The following PCDH11X variants were observed in gnomAD, a reference collection of about 807,000 sequenced individuals.
The protein encoded by PCDH11X is protocadherin 11 X-linked.
Under a neutral mutation model 53.3 loss-of-function variants are expected in PCDH11X, and 18 were observed. That is an observed-to-expected ratio of 0.34 (90% CI 0.23 to 0.50). The LOEUF is 0.50. PCDH11X is among the 20% of genes least tolerant of loss of function. The probability of loss-of-function intolerance (pLI) is 0.98; values close to 1 mark genes in which losing one functional copy is unlikely to be tolerated. For synonymous variants in PCDH11X, 279 were observed against 393.3 expected (o/e 0.71, Z 3.44); for missense variants, 570 against 1,032.4 (o/e 0.55, Z 6.14).
Position 92,255,549 on chromosome X carries a change from G to A in PCDH11X, c.3115-7565G>A, listed in dbSNP as rs1231449382. Among the ~76,000 whole-genome samples the A allele has an allele frequency of 9.2e-5, 10 of 108,195 alleles. No homozygotes were observed. In the East Asian group the frequency reaches 2.6e-3, roughly 28 times the overall value. The allele number at this position is 108,195 out of a possible 115,157, so 94.0% of individuals were successfully genotyped here. On this transcript the variant is annotated intron_variant, in intron 7 of 10. Coordinates refer to ENST00000682573, the MANE Select transcript of PCDH11X (RefSeq NM_032968.5). ...TTAGAGTTTCCAGTTTTTCTGTTCTGTTTTTTCCCCATCTTTGTGGTTTTA... is the reference window on the plus strand; with the variant it reads ...TTAGAGTTTCCAGTTTTTCTGTTCTATTTTTTCCCCATCTTTGTGGTTTTA...
At chrX:92,436,354 G>A (rs2072374169) in intron 9 of PCDH11X, among the ~76,000 whole-genome samples, 2 of 111,346 alleles carry the variant, frequency 1.8e-5, no homozygotes, top group Non-Finnish European at 3.8e-5. Flanking sequence ...GGAAAAAAAG[G>A]GAACACTTAT....
Position 92,113,407 on chromosome X carries a change from T to G in PCDH11X, c.3034-87968T>G, listed in dbSNP as rs751815027. The G allele has an allele frequency of 1.4e-3, 1,693 of 1,201,019 alleles. 5 individuals are homozygous for G. Among genetic ancestry groups the G allele is most frequent in the Non-Finnish European group, 1.3e-3 (1,149 of 894,259 alleles). On this transcript the variant is annotated intron_variant, in intron 6 of 10. Transcript: ENST00000682573. ...GATTCTGTGGATATAGTTTTCCCTG[T>G]TGGTGGGAAGGTCATAGTTGATGAC...
At chrX:92,413,128 G>T (rs143260985) in intron 9 of PCDH11X, among the ~76,000 whole-genome samples, 21,920 of 77,085 alleles carry the variant, frequency 0.28, 3,849 homozygotes, top group East Asian at 0.68. Flanking sequence ...TGTTCCTGTG[G>T]TGGTTCTTGG....
intron 7 of PCDH11X, among the ~76,000 whole-genome samples, chrX:92,232,666 T>C (rs2067097230): frequency 8.9e-6 from 1 of 112,000 alleles, no homozygotes; most frequent in Non-Finnish European, 1.9e-5. Flanking sequence ...ATTATTTAGA[T>C]TTTCTCAGCT....
intron 10 of PCDH11X, among the ~76,000 whole-genome samples, chrX:92,567,173 G>A (rs957104877): frequency 1.2e-4 from 13 of 104,596 alleles, no homozygotes; most frequent in Admixed American, 1.1e-4. Context: ...AATGTCAATG[G>A]TACTTTAATA....
intron 9 of PCDH11X, among the ~76,000 whole-genome samples, chrX:92,451,172 C>T (rs1188369579): frequency 9.0e-6 from 1 of 110,718 alleles, no homozygotes; most frequent in Non-Finnish European, 1.9e-5. Context: ...TTTGCCCATA[C>T]CTTCACAGTA....
intron 6 of PCDH11X, among the ~76,000 whole-genome samples, chrX:92,018,674 A>G (rs2062835993): frequency 1.8e-5 from 2 of 112,577 alleles, no homozygotes; most frequent in Admixed American, 9.4e-5. Context: ...ATGATGTGAT[A>G]CTAATTATTA....
At chrX:91,983,030 C>T (rs2062166830) in intron 6 of PCDH11X, 2 of 1,192,520 alleles carry the variant, frequency 1.7e-6, no homozygotes, top group Admixed American at 2.2e-5. Flanking sequence ...ACTTTGCAGT[C>T]TCAAAATTCA....
At chrX:91,789,329 T>G (rs1164938905) in intron 1 of PCDH11X, among the ~76,000 whole-genome samples, 1 of 97,301 alleles carries the variant, frequency 1.0e-5, no homozygotes, top group Non-Finnish European at 2.1e-5. Flanking sequence ...ATTAAATTTT[T>G]TTAAAGAGAG....
rs756926383 is a variant in PCDH11X at position 91,907,412 on chromosome X, C to CACAGAGAG, written c.3033+28140_3033+28141insCAGAGAGA. Among the ~76,000 whole-genome samples, 221 of 57,487 alleles carry CACAGAGAG rather than the reference C, an allele frequency of 3.8e-3. 2 individuals carry two copies. The highest frequency in any genetic ancestry group is 9.0e-3 in the African/African-American group (120 of 13,388). 49.9% of individuals were successfully genotyped at this position (57,487 alleles called of 115,157 possible). A position where few individuals can be genotyped will look rare whatever the true frequency, so the allele number is the denominator to read the frequency against. On this transcript the variant is annotated intron_variant, in intron 6 of 10. Coordinates refer to ENST00000682573, the MANE Select transcript of PCDH11X (RefSeq NM_032968.5). ...ACACACACACACACACACACACACA[C>CACAGAGAG]AGAGAGAGAGAGAGAGAGAGAGAGA...
At chrX:91,848,491 C>A (rs1937820261) in intron 5 of PCDH11X, among the ~76,000 whole-genome samples, 1 of 111,609 alleles carries the variant, frequency 9.0e-6, no homozygotes, top group African/African-American at 3.3e-5. Context: ...ATCTACATTA[C>A]AAAACATGGT....
chrX:91,940,695 ATT>A (rs10611094), intron 6 of PCDH11X, among the ~76,000 whole-genome samples: 34,777 of 84,722 alleles, frequency 0.41, 5,705 homozygotes, highest in East Asian at 0.62. Flanking sequence ...GGCTAATAGA[ATT>A]TTTTTTTTTT....
intron 4 of PCDH11X, among the ~76,000 whole-genome samples, chrX:91,823,105 A>G (rs1350682144): frequency 1.8e-5 from 2 of 108,704 alleles, no homozygotes; most frequent in African/African-American, 3.4e-5. Flanking sequence ...TATGTGGTCA[A>G]TTTTGGAATA....
At chrX:92,264,069 G>A (rs2067773269) in intron 8 of PCDH11X, among the ~76,000 whole-genome samples, 1 of 111,787 alleles carries the variant, frequency 8.9e-6, no homozygotes, top group African/African-American at 3.2e-5. Flanking sequence ...TCTTAAAGAT[G>A]AATTATCTTA....
chrX:91,858,320 G>A (rs985180894), intron 5 of PCDH11X, among the ~76,000 whole-genome samples: 1 of 111,405 alleles, frequency 9.0e-6, no homozygotes, highest in African/African-American at 3.3e-5. Context: ...TGTGATGGAT[G>A]GGAGAGGCTG....
chrX:92,339,634 T>C (rs1333183850), intron 8 of PCDH11X, among the ~76,000 whole-genome samples: 3 of 109,127 alleles, frequency 2.7e-5, no homozygotes, highest in African/African-American at 6.7e-5. Context: ...CACTTTTAAA[T>C]AGCCAGATCT....
chrX:92,311,886 G>T (rs2148482376), intron 8 of PCDH11X, among the ~76,000 whole-genome samples: 1 of 111,500 alleles, frequency 9.0e-6, no homozygotes, highest in African/African-American at 3.2e-5. Context: ...TGGAATATAT[G>T]ATAAGGAAGC....
intron 9 of PCDH11X, among the ~76,000 whole-genome samples, chrX:92,463,596 T>C (rs935201349): frequency 9.0e-6 from 1 of 111,659 alleles, no homozygotes; most frequent in Non-Finnish European, 1.9e-5. Context: ...TCTTCATGTG[T>C]ATATTGAGGA....
At chrX:92,486,737 A>T in intron 10 of PCDH11X, among the ~76,000 whole-genome samples, 1 of 110,553 alleles carries the variant, frequency 9.0e-6, no homozygotes, top group Admixed American at 9.8e-5. Flanking sequence ...ATAAGCAAAT[A>T]AACTTACCAG....
Sources: allele counts gnomAD v4.1 joint callset (sites outside exome capture counted in the v4.1 genomes callset), GRCh38; gene constraint gnomAD v4.1.1; transcripts MANE v1.5; gene names NCBI Gene and HGNC (gene_info 2026-07-23, HGNC 2026-07-21).